Variants in MAF observed in about 807,000 individuals in gnomAD.
MAF encodes the protein MAF bZIP transcription factor, also known as transcription factor Maf.
MAF carries 10 observed loss-of-function variants against 22.0 expected under a neutral mutation model. That is an observed-to-expected ratio of 0.45 (90% CI 0.28 to 0.77). MAF has a LOEUF of 0.77. MAF is among the 30% of genes least tolerant of loss of function. The pLI, the probability that MAF is intolerant of heterozygous loss-of-function variation, is 0.12. For missense variants in MAF, 544 were observed against 548.4 expected (o/e 0.99, Z 0.08); for synonymous variants, 337 against 255.8 (o/e 1.32, Z -3.03).
chr16:79,398,880 G>A, the MAF span, among the ~76,000 whole-genome samples: 26 of 152,246 alleles, frequency 1.7e-4, no homozygotes, highest in South Asian at 4.1e-3. Flanking sequence ...TGCAGGCTTG[G>A]TTCAAGGAAT....
chr16:79,324,175 G>A, the MAF span, among the ~76,000 whole-genome samples: 1 of 152,176 alleles, frequency 6.6e-6, no homozygotes, highest in South Asian at 2.1e-4. Context: ...TCTGTAAAAT[G>A]TGGGCATGAG....
the MAF span, among the ~76,000 whole-genome samples, chr16:79,410,660 C>A: frequency 6.6e-6 from 1 of 151,902 alleles, no homozygotes. Context: ...GGGATGAGGG[C>A]AAAGAAAAAA....
chr16:79,455,886 C>T, the MAF span, among the ~76,000 whole-genome samples: 8 of 152,054 alleles, frequency 5.3e-5, no homozygotes, highest in African/African-American at 9.6e-5. Context: ...GGTGTGGAGG[C>T]GCATTCCTGT....
At chr16:79,332,027 C>T in the MAF span, among the ~76,000 whole-genome samples, 1 of 152,218 alleles carries the variant, frequency 6.6e-6, no homozygotes, top group Non-Finnish European at 1.5e-5. Flanking sequence ...AGAACATCTG[C>T]TCTAGGAGGG....
the MAF span, among the ~76,000 whole-genome samples, chr16:79,251,991 T>C: frequency 1.3e-5 from 2 of 152,388 alleles, no homozygotes; most frequent in Middle Eastern, 3.4e-3. Context: ...TGAGTTATTC[T>C]GGTGTAAGGG....
chr16:79,296,416 G>A, the MAF span, among the ~76,000 whole-genome samples: 19,179 of 152,030 alleles, frequency 0.13, 2,055 homozygotes, highest in African/African-American at 0.29. Flanking sequence ...TAATGCATGC[G>A]GGGTGTAGTG....
chr16:79,220,202 G>A, the MAF span, among the ~76,000 whole-genome samples: 1 of 137,216 alleles, frequency 7.3e-6, no homozygotes, highest in East Asian at 2.1e-4. Flanking sequence ...GCTGCTGTGA[G>A]CTCAGATGGT....
the MAF span, among the ~76,000 whole-genome samples, chr16:79,491,651 T>C: frequency 6.6e-6 from 1 of 152,154 alleles, no homozygotes; most frequent in East Asian, 1.9e-4. Context: ...GACTAACATG[T>C]AACAAAATAA....
chr16:79,370,166 A>G, the MAF span, among the ~76,000 whole-genome samples: 1 of 152,196 alleles, frequency 6.6e-6, no homozygotes, highest in African/African-American at 2.4e-5. Flanking sequence ...GAGAGTTTCT[A>G]GGTGGTAAAA....
At chr16:79,372,859 C>A in the MAF span, among the ~76,000 whole-genome samples, 2 of 152,308 alleles carry the variant, frequency 1.3e-5, no homozygotes, top group African/African-American at 4.8e-5. Context: ...CTCATACTCA[C>A]CTATTTCTCA....
chr16:79,471,161 G>A, the MAF span, among the ~76,000 whole-genome samples: 1 of 152,190 alleles, frequency 6.6e-6, no homozygotes, highest in Non-Finnish European at 1.5e-5. Context: ...GAGGAAGGAG[G>A]CATACCTGCA....
downstream of MAF, among the ~76,000 whole-genome samples, chr16:79,583,888 T>C (rs1464494474): frequency 6.6e-6 from 1 of 152,212 alleles, no homozygotes; most frequent in Admixed American, 6.5e-5. Context: ...TCTATGTTAA[T>C]CTTCATGTTA....
chr16:79,481,030 C>G, the MAF span, among the ~76,000 whole-genome samples: 1 of 152,164 alleles, frequency 6.6e-6, no homozygotes, highest in African/African-American at 2.4e-5. Flanking sequence ...CTTAACACAA[C>G]CTGTAGTGTG....
At chr16:79,532,821 A>G in the MAF span, among the ~76,000 whole-genome samples, 1 of 152,230 alleles carries the variant, frequency 6.6e-6, no homozygotes, top group African/African-American at 2.4e-5. Context: ...TTGAAGGAGC[A>G]CATGGACCTT....
the MAF span, among the ~76,000 whole-genome samples, chr16:79,265,333 T>C: frequency 1.3e-5 from 2 of 152,186 alleles, no homozygotes; most frequent in Admixed American, 6.5e-5. Flanking sequence ...TGAATTCTCT[T>C]AGTGTTTTCA....
the MAF span, among the ~76,000 whole-genome samples, chr16:79,252,296 TATAA>T: frequency 6.6e-6 from 1 of 151,018 alleles, no homozygotes; most frequent in South Asian, 2.1e-4. Context: ...TTTATTTATT[TATAA>T]ATAAACTTTA....
At chr16:79,222,483 A>T in the MAF span, among the ~76,000 whole-genome samples, 1 of 152,118 alleles carries the variant, frequency 6.6e-6, no homozygotes, top group Non-Finnish European at 1.5e-5. Context: ...ATTCACACAT[A>T]ACAACCCTAA....
chr16:79,247,832 C>G, the MAF span, among the ~76,000 whole-genome samples: 1 of 152,122 alleles, frequency 6.6e-6, no homozygotes. Context: ...CATAGCACAT[C>G]CAAATCAAAC....
the MAF span, among the ~76,000 whole-genome samples, chr16:79,311,075 T>C: frequency 2.6e-5 from 4 of 151,358 alleles, no homozygotes; most frequent in Non-Finnish European, 5.9e-5. Context: ...CCCTCAGCAC[T>C]GGCCTCCCCT....
Sources: gnomAD v4.1 joint callset for allele counts (sites outside exome capture counted in the v4.1 genomes callset) on GRCh38, gnomAD v4.1.1 for gene constraint, MANE v1.5 for transcripts, NCBI Gene and HGNC (gene_info 2026-07-23, HGNC 2026-07-21) for gene names.